Variants in MAGI1 observed in about 807,000 individuals in gnomAD.
The protein encoded by MAGI1 is membrane associated guanylate kinase, WW and PDZ domain containing 1, also known as membrane-associated guanylate kinase, WW and PDZ domain-containing protein 1.
MAGI1 carries 58 observed loss-of-function variants against 139.9 expected under a neutral mutation model. That is an observed-to-expected ratio of 0.41 (90% CI 0.34 to 0.52). The LOEUF is 0.52. Ranked by LOEUF, MAGI1 falls within the 20% of genes least tolerant of loss-of-function variation. The pLI is 0.12. For missense variants in MAGI1, 1,874 were observed against 1,901.6 expected, an observed-to-expected ratio of 0.99 and a Z score of 0.27; for synonymous variants, 812 against 737.9, an observed-to-expected ratio of 1.10 and a Z score of -1.63.
At chr3:65,775,332 T>A (rs2038287061) in intron 1 of MAGI1, among the ~76,000 whole-genome samples, 1 of 151,292 alleles carries the variant, frequency 6.6e-6, no homozygotes, top group Admixed American at 6.6e-5. Context: ...GCCTGTAGTA[T>A]CAGCTACTTG....
At chr3:65,715,027 T>C (rs2032051508) in intron 1 of MAGI1, among the ~76,000 whole-genome samples, 1 of 148,476 alleles carries the variant, frequency 6.7e-6, no homozygotes, top group Admixed American at 6.7e-5. Context: ...GGGAGAGGGG[T>C]AGAGATGGTG....
chr3:65,372,082 A>G (rs1173260032), intron 18 of MAGI1, among the ~76,000 whole-genome samples: 2 of 152,168 alleles, frequency 1.3e-5, no homozygotes, highest in Non-Finnish European at 2.9e-5. Context: ...TTTCCAGAAG[A>G]TTTTCCAAAT....
At chr3:65,543,832 C>G (rs2079369200) in intron 2 of MAGI1, among the ~76,000 whole-genome samples, 1 of 152,034 alleles carries the variant, frequency 6.6e-6, no homozygotes, top group African/African-American at 2.4e-5. Context: ...AGCAAACCAC[C>G]ATGGCACGTG....
intron 3 of MAGI1, among the ~76,000 whole-genome samples, chr3:65,488,543 G>T (rs974405219): frequency 6.6e-6 from 1 of 151,482 alleles, no homozygotes; most frequent in Non-Finnish European, 1.5e-5. Flanking sequence ...ATTTTACCAT[G>T]TTGGCCAGGC....
chr3:65,868,139 C>G (rs1390242), intron 1 of MAGI1, among the ~76,000 whole-genome samples: 61,473 of 151,994 alleles, frequency 0.4, 12,984 homozygotes, highest in African/African-American at 0.51. Context: ...AGCCTCTCCT[C>G]TGGCCTAGGT....
At chr3:65,447,247 AT>A (rs1353537947) in intron 7 of MAGI1, among the ~76,000 whole-genome samples, 1 of 152,230 alleles carries the variant, frequency 6.6e-6, no homozygotes, top group Non-Finnish European at 1.5e-5. Flanking sequence ...ATGCAAACTA[AT>A]TTTAATGTTG....
intron 1 of MAGI1, among the ~76,000 whole-genome samples, chr3:65,913,171 G>C (rs984678239): frequency 3.3e-5 from 5 of 152,124 alleles, no homozygotes; most frequent in African/African-American, 1.2e-4. Flanking sequence ...TGAGGCACAG[G>C]AGGCGGAGGT....
At chr3:65,894,487 A>T (rs60518387) in intron 1 of MAGI1, among the ~76,000 whole-genome samples, 2,928 of 152,354 alleles carry the variant, frequency 0.019, 79 homozygotes, top group African/African-American at 0.066. Context: ...AATATAAATT[A>T]TCAAATTTGG....
At chr3:65,545,992 A>ACG (rs1218257723) in intron 2 of MAGI1, among the ~76,000 whole-genome samples, 3 of 143,164 alleles carry the variant, frequency 2.1e-5, no homozygotes, top group Non-Finnish European at 3.1e-5. Context: ...ACACACACAC[A>ACG]CGCACACACA....
intron 2 of MAGI1, among the ~76,000 whole-genome samples, chr3:65,590,846 G>A (rs1340632297): frequency 1.3e-5 from 2 of 152,108 alleles, no homozygotes; most frequent in Non-Finnish European, 2.9e-5. Context: ...AAAAGTCCAT[G>A]TTTTTTCACC....
intron 3 of MAGI1, among the ~76,000 whole-genome samples, chr3:65,480,576 A>G (rs1341403710): frequency 1.4e-5 from 2 of 140,154 alleles, no homozygotes; most frequent in Non-Finnish European, 3.0e-5. Flanking sequence ...ATTCTTATAA[A>G]TAAGGTTTCT....
intron 1 of MAGI1, among the ~76,000 whole-genome samples, chr3:66,024,973 G>T (rs930633639): frequency 1.3e-5 from 2 of 152,068 alleles, no homozygotes; most frequent in Non-Finnish European, 2.9e-5. Flanking sequence ...TTCTCTGGGG[G>T]GGTAAAATGA....
chr3:65,749,507 T>C (rs1451547431), intron 1 of MAGI1, among the ~76,000 whole-genome samples: 4 of 151,872 alleles, frequency 2.6e-5, no homozygotes, highest in Admixed American at 6.6e-5. Context: ...ACAATGGACT[T>C]TGGGGACTCA....
intron 20 of MAGI1, 73 bp from the exon 21 acceptor site, chr3:65,363,681 C>T (rs912891199): frequency 2.3e-4 from 290 of 1,280,364 alleles, no homozygotes; most frequent in Non-Finnish European, 3.0e-4. Flanking sequence ...ACATTCTTGG[C>T]AAAAAGGCAC....
intron 1 of MAGI1, among the ~76,000 whole-genome samples, chr3:65,811,525 GTC>G: frequency 6.6e-6 from 1 of 152,256 alleles, no homozygotes. Context: ...GCAAAGCAGA[GTC>G]TCTTTCTAAG....
At chr3:66,014,967 A>G (rs1378856100) in intron 1 of MAGI1, among the ~76,000 whole-genome samples, 2 of 152,120 alleles carry the variant, frequency 1.3e-5, no homozygotes, top group Non-Finnish European at 2.9e-5. Flanking sequence ...AACTGACAAC[A>G]AATCATCGCT....
chr3:65,914,642 T>C (rs1172937208), intron 1 of MAGI1, among the ~76,000 whole-genome samples: 2 of 152,152 alleles, frequency 1.3e-5, no homozygotes. Context: ...AAGGCCACCA[T>C]CCTTAAGAGG....
At chr3:65,387,369 T>C in intron 14 of MAGI1, 1 of 561,870 alleles carries the variant, frequency 1.8e-6, no homozygotes, top group Non-Finnish European at 3.0e-6. Context: ...AGACTATAGT[T>C]TGATTCCATT....
At chr3:65,714,625 T>C (rs146752298) in intron 1 of MAGI1, among the ~76,000 whole-genome samples, 154 of 152,174 alleles carry the variant, frequency 1.0e-3, no homozygotes, top group African/African-American at 3.6e-3. Flanking sequence ...GGCTAAATTA[T>C]TAGCTTGTAA....
Sources: gnomAD v4.1 joint callset for allele counts (sites outside exome capture counted in the v4.1 genomes callset) on GRCh38, gnomAD v4.1.1 for gene constraint, MANE v1.5 for transcripts, NCBI Gene and HGNC (gene_info 2026-07-23, HGNC 2026-07-21) for gene names.